PAPLN: variants seen among roughly 807,000 people sequenced by gnomAD.
PAPLN encodes the protein papilin.
In PAPLN, 146 loss-of-function variants were observed where a neutral mutation model predicts 159.0. That is an observed-to-expected ratio of 0.92 (90% confidence interval 0.80 to 1.05). The LOEUF is 1.05. Among genes scored for constraint, PAPLN ranks in the 50% least tolerant of loss-of-function variants. The probability of loss-of-function intolerance (pLI) is 0.00; values close to 1 mark genes in which losing one functional copy is unlikely to be tolerated. For synonymous variants in PAPLN, 734 were observed against 702.9 expected (o/e 1.04, Z -0.70); for missense variants, 1,720 against 1,743.9 (o/e 0.99, Z 0.24).
intron 26 of PAPLN, among the ~76,000 whole-genome samples, chr14:73,270,007 G>C (rs771242843): frequency 2.6e-5 from 4 of 152,256 alleles, no homozygotes; most frequent in Non-Finnish European, 4.4e-5. Context: ...CGCCTCCCCA[G>C]GGCCCAGCTC....
Position 73,245,009 on chromosome 14 carries a change from C to T in PAPLN, c.170+250C>T, listed in dbSNP as rs990721088. ...TGGTCTCCAGCTCCTGATGCTGCACCGGCCTGCAGTATGGCAGGTGCAGTC... is the reference window on the plus strand; with the variant it reads ...TGGTCTCCAGCTCCTGATGCTGCACTGGCCTGCAGTATGGCAGGTGCAGTC... On this transcript the variant is annotated intron_variant, in intron 3 of 26. Transcript: ENST00000644200. The surrounding 1 kb of genome is among the most constrained non-coding windows in gnomAD (Gnocchi z 4.2). 1.3e-5 allele frequency: 5 copies of T among 388,716 alleles called. No individual in the cohort carries two copies. Among genetic ancestry groups the T allele is most frequent in the Admixed American group, 8.4e-5 (2 of 23,862 alleles). The allele number at this position is 388,716 out of a possible 1,614,324, so 24.1% of individuals were successfully genotyped here. A position where few individuals can be genotyped will look rare whatever the true frequency, so the allele number is the denominator to read the frequency against.
rs1884158142 is a variant in PAPLN, at chr14:73,245,650, C to T, written c.185C>T (p.Ser62Phe). ...PCYSQRRDGG[S>F]SCVGPARSHR... ...TGGTCCCGCAGGAGAGATGGAGGCT[C>T]CAGCTGCGTGGGCCCCGCCCGGAGC... Residue 62 changes from serine to phenylalanine, a missense_variant, in exon 4 of 27, where the codon TCC becomes TTC. By Grantham distance (155) the Ser-to-Phe change is radical. Transcript: ENST00000644200. The surrounding 1 kb of genome is among the most constrained non-coding windows in gnomAD (Gnocchi z 4.2). 1 of 1,560,142 alleles carries T rather than the reference C, an allele frequency of 6.4e-7. No homozygotes were observed. The highest frequency in any genetic ancestry group is 8.7e-7 in the Non-Finnish European group (1 of 1,153,852).
intron 7 of PAPLN, among the ~76,000 whole-genome samples, chr14:73,251,271 C>T (rs957004590): frequency 1.3e-5 from 2 of 152,208 alleles, no homozygotes; most frequent in African/African-American, 2.4e-5. Flanking sequence ...TTCCCACTCC[C>T]AGTGTGCTCC....
chr14:73,269,737 T>C (rs1263836846), intron 26 of PAPLN, among the ~76,000 whole-genome samples: 1 of 152,222 alleles, frequency 6.6e-6, no homozygotes, highest in Non-Finnish European at 1.5e-5. Flanking sequence ...CTCACAGGCC[T>C]GATACAGACC....
In PAPLN at chr14:73,261,103, C is replaced by T. The variant is rs1000476553; in HGVS notation, c.2107-53C>T. On this transcript the variant is annotated intron_variant, in intron 17 of 26. Coordinates refer to ENST00000644200, the MANE Select transcript of PAPLN (RefSeq NM_001365906.3). ...TCCTCCCCGTGGCAGCCCAGAGTCC[C>T]CAACAATGGCCAGATCCACTGCCCA... 6.8e-6 allele frequency: 11 copies of T among 1,613,708 alleles called. No homozygotes were observed. In the African/African-American group the frequency reaches 1.1e-4, roughly 16 times the overall value.
chr14:73,270,161 C>T (rs919470117), intron 26 of PAPLN, among the ~76,000 whole-genome samples: 3 of 152,206 alleles, frequency 2.0e-5, no homozygotes, highest in African/African-American at 4.8e-5. Context: ...GACCTCTGTC[C>T]GGGGCCTCGC....
intron 16 of PAPLN, among the ~76,000 whole-genome samples, chr14:73,260,061 C>T (rs1886380061): frequency 6.6e-6 from 1 of 152,246 alleles, no homozygotes. Flanking sequence ...GCTTCTGGGC[C>T]CAGACTTTGT....
chr14:73,238,735 C>A (rs1308172838), intron 1 of PAPLN, among the ~76,000 whole-genome samples: 1 of 152,234 alleles, frequency 6.6e-6, no homozygotes, highest in East Asian at 1.9e-4. Context: ...CAATGACTCA[C>A]TGTGCCAAAT....
chr14:73,266,934 T>G, intron 25 of PAPLN, 103 bp downstream of exon 25: 1 of 1,144,514 alleles, frequency 8.7e-7, no homozygotes, highest in Non-Finnish European at 1.3e-6. Flanking sequence ...ACTGCTTCCA[T>G]TCCGGCTTCC....
intron 14 of PAPLN, among the ~76,000 whole-genome samples, chr14:73,258,604 A>AAAGACCCT (rs1159997561): frequency 3.1e-4 from 39 of 126,596 alleles, no homozygotes; most frequent in Non-Finnish European, 5.5e-4. Context: ...GGCAATATAG[A>AAAGACCCT]AAGACCCTAT....
chr14:73,249,568 G>T (rs965846286), intron 5 of PAPLN, among the ~76,000 whole-genome samples: 1 of 151,880 alleles, frequency 6.6e-6, no homozygotes, highest in African/African-American at 2.4e-5. Flanking sequence ...CGGCTACTAG[G>T]GGGGCTGAGG....
In PAPLN at chr14:73,254,024, G is replaced by T. The variant is rs945982689; in HGVS notation, c.1302+63G>T. On this transcript the variant is annotated intron_variant, in intron 12 of 26. Transcript: ENST00000644200. ...TGGGTAGCAGCAGGGAAGGGCTGGGGTCTTGTTCTCTGCTGTGGAAACCGA... is the reference window on the plus strand; with the variant it reads ...TGGGTAGCAGCAGGGAAGGGCTGGGTTCTTGTTCTCTGCTGTGGAAACCGA... 8 of 1,523,504 alleles carry T rather than the reference G, an allele frequency of 5.3e-6. No individual in the cohort carries two copies. In the East Asian group the frequency reaches 1.9e-4, roughly 36 times the overall value. The allele number at this position is 1,523,504 out of a possible 1,614,324, so 94.4% of individuals were successfully genotyped here.
intron 4 of PAPLN, 52 bp from the exon 5 acceptor site, chr14:73,246,021 G>A (rs1884236065): frequency 1.4e-6 from 2 of 1,467,968 alleles, no homozygotes; most frequent in African/African-American, 1.5e-5. Context: ...CGGGAGGTGG[G>A]CGGACCTCGG....
At chr14:73,260,979 G>C in intron 17 of PAPLN, 150 bp downstream of exon 17, 1 of 1,403,356 alleles carries the variant, frequency 7.1e-7, no homozygotes, top group African/African-American at 1.4e-5. Flanking sequence ...AGGGCACCGG[G>C]CTTCAAAGAT....
chr14:73,245,695 A>G lies in PAPLN; in HGVS notation c.230A>G (p.Glu77Gly). ...CGGAGCCACCGCTCTTGTCGCACGGAGGTAAAGCTCACGGGGCGCGGGCGA... is the reference window on the plus strand; with the variant it reads ...CGGAGCCACCGCTCTTGTCGCACGGGGGTAAAGCTCACGGGGCGCGGGCGA... Reference protein sequence around the residue: ...PARSHRSCRTESCPDGARDFR... With the variant: ...PARSHRSCRTGSCPDGARDFR... The change falls in exon 4 of 27, where the codon GAG becomes GGG. Residue 77 changes from glutamate (E) to glycine (G), a missense_variant and splice_region_variant. Glu to Gly is a moderately conservative substitution (Grantham distance 98). Coordinates refer to ENST00000644200, the MANE Select transcript of PAPLN (RefSeq NM_001365906.3). This position sits in a 1 kb window ranked among gnomAD's most constrained non-coding sequence, Gnocchi z 4.2. The G allele has an allele frequency of 6.5e-7, 1 of 1,548,306 alleles. No individual in the cohort carries two copies. Among genetic ancestry groups the G allele is most frequent in the African/African-American group, 1.4e-5 (1 of 73,576 alleles).
chr14:73,255,741 A>G lies in PAPLN; in HGVS notation c.1627+723A>G, dbSNP rs557479037. 3.3e-5 allele frequency among the ~76,000 whole-genome samples: 5 copies of G among 152,236 alleles called. No homozygotes were observed. In the South Asian group the frequency reaches 1.0e-3, roughly 32 times the overall value. ...TTGACTCACTCGTGATGGGGACTCT[A>G]TGAGCTGTAGGGACCTTGAGATGAA... On this transcript the variant is annotated intron_variant, in intron 14 of 26. Transcript: ENST00000644200.
At chr14:73,251,886 A>G (rs1466103219) in intron 9 of PAPLN, 50 bp downstream of exon 9, 4 of 1,553,460 alleles carry the variant, frequency 2.6e-6, no homozygotes, top group Non-Finnish European at 3.5e-6. Context: ...CGTGGTCCCC[A>G]AGAGGCTGCC....
chr14:73,253,609 G>A (rs1036808008), intron 11 of PAPLN, 145 bp from the exon 12 acceptor site: 36 of 769,366 alleles, frequency 4.7e-5, no homozygotes, highest in Non-Finnish European at 5.9e-5. Flanking sequence ...CGCCTGGGTC[G>A]TAGCCTTTGT....
chr14:73,264,189 C>A, intron 20 of PAPLN, 22 bp from the exon 21 acceptor site: 2 of 1,612,842 alleles, frequency 1.2e-6, no homozygotes, highest in Non-Finnish European at 8.5e-7. Context: ...GAGCTCATGT[C>A]CTCCCACACC....
Sources: gnomAD v4.1 joint callset for allele counts (sites outside exome capture counted in the v4.1 genomes callset) on GRCh38, gnomAD v4.1.1 for gene constraint, Gnocchi (gnomAD v3.1) non-coding constraint, MANE v1.5 for transcripts, NCBI Gene and HGNC (gene_info 2026-07-23, HGNC 2026-07-21) for gene names.